ZDHHC14: variants seen among roughly 807,000 people sequenced by gnomAD.
The protein encoded by ZDHHC14 is zDHHC palmitoyltransferase 14.
A neutral mutation model predicts 47.7 loss-of-function variants in ZDHHC14; 16 were observed. The ratio of observed to expected loss-of-function variants is 0.34; its 90% CI spans 0.23 to 0.51. ZDHHC14 has a LOEUF of 0.51. Ranked by LOEUF, ZDHHC14 falls within the 20% of genes least tolerant of loss-of-function variation. ZDHHC14 has a pLI of 0.97. For missense variants in ZDHHC14, 515 were observed against 662.5 expected, an observed-to-expected ratio of 0.78 and a Z score of 2.44; for synonymous variants, 293 against 278.9, an observed-to-expected ratio of 1.05 and a Z score of -0.50.
intron 2 of ZDHHC14, among the ~76,000 whole-genome samples, chr6:157,547,938 A>G (rs1782049319): frequency 1.3e-5 from 2 of 151,800 alleles, no homozygotes; most frequent in South Asian, 4.2e-4. Context: ...TATTCACCAT[A>G]AAATGGCTTT....
chr6:157,470,953 T>C (rs78297594), intron 1 of ZDHHC14, among the ~76,000 whole-genome samples: 1 of 152,156 alleles, frequency 6.6e-6, no homozygotes, highest in Non-Finnish European at 1.5e-5. Context: ...TAGAGGGCCC[T>C]TCAGACCTGG....
chr6:157,609,448 G>T (rs2114919928), intron 3 of ZDHHC14, among the ~76,000 whole-genome samples: 1 of 152,320 alleles, frequency 6.6e-6, no homozygotes, highest in East Asian at 1.9e-4. Context: ...GATTGCCAGG[G>T]CACTCAGGAT....
intron 2 of ZDHHC14, among the ~76,000 whole-genome samples, chr6:157,551,375 C>T (rs112751882): frequency 0.062 from 9,432 of 152,226 alleles, 1,026 homozygotes; most frequent in African/African-American, 0.22. Context: ...CACCCACTGA[C>T]AACAGAGCCA....
intron 1 of ZDHHC14, among the ~76,000 whole-genome samples, chr6:157,449,331 A>G (rs1778750474): frequency 6.6e-6 from 1 of 152,234 alleles, no homozygotes. Flanking sequence ...TATACGCGGT[A>G]TATTATATTA....
chr6:157,535,381 C>T (rs947113289), intron 1 of ZDHHC14, among the ~76,000 whole-genome samples: 4 of 152,212 alleles, frequency 2.6e-5, no homozygotes, highest in Non-Finnish European at 5.9e-5. Context: ...CCTTCCTCCT[C>T]CCTTAGCAAG....
At chr6:157,405,200 C>T (rs566460870) in intron 1 of ZDHHC14, among the ~76,000 whole-genome samples, 2 of 152,230 alleles carry the variant, frequency 1.3e-5, no homozygotes, top group Non-Finnish European at 2.9e-5. Context: ...AACTTTTTTG[C>T]ACCGCCAAAA....
intron 2 of ZDHHC14, among the ~76,000 whole-genome samples, chr6:157,573,554 C>A (rs2114861244): frequency 6.6e-6 from 1 of 152,314 alleles, no homozygotes; most frequent in South Asian, 2.1e-4. Flanking sequence ...GGGGTAGGCC[C>A]CCTGCTGCCC....
chr6:157,404,755 A>AT (rs1166458835), intron 1 of ZDHHC14, among the ~76,000 whole-genome samples: 3 of 152,132 alleles, frequency 2.0e-5, no homozygotes, highest in Non-Finnish European at 2.9e-5. Flanking sequence ...TTAAATATAT[A>AT]TTTTTTAATT....
rs373936069 is a variant in ZDHHC14 at position 157,573,708 on chromosome 6, A to T, written c.407-19280A>T. On this transcript the variant is annotated intron_variant, in intron 2 of 8. Transcript: ENST00000359775. ...ACGTGGTCCAAGCATTCTGGGCATGATGGGTTAATCCTTCCTGCCAGCTGC... is the reference window on the plus strand; with the variant it reads ...ACGTGGTCCAAGCATTCTGGGCATGTTGGGTTAATCCTTCCTGCCAGCTGC... Among the ~76,000 whole-genome samples, 4 of 152,228 alleles carry T rather than the reference A, an allele frequency of 2.6e-5. No individual in the cohort carries two copies. The South Asian group carries it at 6.2e-4, about 24-fold the overall frequency.
At chr6:157,587,906 G>A (rs563137047) in intron 2 of ZDHHC14, among the ~76,000 whole-genome samples, 9 of 152,138 alleles carry the variant, frequency 5.9e-5, no homozygotes, top group Non-Finnish European at 1.2e-4. Flanking sequence ...ACTAGCTTGA[G>A]GCCAGTTGCT....
rs1284429244 is a variant in ZDHHC14, at chr6:157,540,910, G to GTGTGTGTA, written c.246-1674_246-1673insGTGTGTAT. Reference sequence around the variant, plus strand: ...TGTATGTGTGTGTGTGTGTGTGTGTGTATATATATATATATATATATATAA... The same window carrying GTGTGTGTA: ...TGTATGTGTGTGTGTGTGTGTGTGTGTGTGTGTATATATATATATATATATATATATAA... On this transcript the variant is annotated intron_variant, in intron 1 of 8. Coordinates refer to ENST00000359775, the MANE Select transcript of ZDHHC14 (RefSeq NM_024630.3). 4.7e-4 allele frequency among the ~76,000 whole-genome samples: 58 copies of GTGTGTGTA among 122,974 alleles called. No homozygotes were observed. The East Asian group carries it at 7.3e-3, about 16-fold the overall frequency. 80.7% of individuals were successfully genotyped at this position (122,974 alleles called of 152,430 possible).
intron 2 of ZDHHC14, among the ~76,000 whole-genome samples, chr6:157,558,166 C>T (rs1249667562): frequency 6.6e-6 from 1 of 152,110 alleles, no homozygotes; most frequent in Non-Finnish European, 1.5e-5. Flanking sequence ...TGAGATCTAG[C>T]CACAATATGT....
intron 3 of ZDHHC14, among the ~76,000 whole-genome samples, chr6:157,599,116 A>C (rs904312390): frequency 6.6e-6 from 1 of 152,240 alleles, no homozygotes; most frequent in Non-Finnish European, 1.5e-5. Context: ...AGAACAATGC[A>C]AAAGAAAACC....
intron 1 of ZDHHC14, among the ~76,000 whole-genome samples, chr6:157,409,833 A>ATT (rs767890001): frequency 2.0e-5 from 3 of 146,534 alleles, no homozygotes. Context: ...TTATTATTTT[A>ATT]TTTTTTGGGG....
intron 3 of ZDHHC14, among the ~76,000 whole-genome samples, chr6:157,615,688 GGT>G (rs1784937887): frequency 6.6e-6 from 1 of 152,182 alleles, no homozygotes; most frequent in South Asian, 2.1e-4. Flanking sequence ...CCCATCATGT[GGT>G]GTTTCATAAG....
chr6:157,430,137 A>T (rs1183282523), intron 1 of ZDHHC14, among the ~76,000 whole-genome samples: 1 of 152,094 alleles, frequency 6.6e-6, no homozygotes, highest in Admixed American at 6.5e-5. Context: ...CAACATGGTG[A>T]AACCCCGTCT....
chr6:157,654,916 G>A (rs988549146), intron 8 of ZDHHC14, among the ~76,000 whole-genome samples: 1 of 151,984 alleles, frequency 6.6e-6, no homozygotes, highest in Non-Finnish European at 1.5e-5. Context: ...TGTATTTTTA[G>A]TAGAGACAGG....
intron 1 of ZDHHC14, among the ~76,000 whole-genome samples, chr6:157,485,229 T>G (rs1434461507): frequency 6.6e-6 from 1 of 152,156 alleles, no homozygotes; most frequent in East Asian, 1.9e-4. Flanking sequence ...ATTGGGAGGT[T>G]TGGGCCTGGG....
intron 1 of ZDHHC14, among the ~76,000 whole-genome samples, chr6:157,495,064 T>TC (rs1780024657): frequency 1.3e-5 from 2 of 149,808 alleles, no homozygotes; most frequent in African/African-American, 2.4e-5. Flanking sequence ...TTTTTGGGAT[T>TC]TTTTTTTTTA....
Sources: gnomAD v4.1 joint callset for allele counts (sites outside exome capture counted in the v4.1 genomes callset) on GRCh38, gnomAD v4.1.1 for gene constraint, MANE v1.5 for transcripts, NCBI Gene and HGNC (gene_info 2026-07-23, HGNC 2026-07-21) for gene names.